Variants in SYCP2L observed in about 807,000 individuals in gnomAD.
The protein encoded by SYCP2L is synaptonemal complex protein 2-like.
A neutral mutation model predicts 125.8 loss-of-function variants in SYCP2L; 98 were observed. That is an observed-to-expected ratio of 0.78 (90% CI 0.66 to 0.92). SYCP2L has a LOEUF of 0.92. SYCP2L is among the 40% of genes least tolerant of loss of function. The probability of loss-of-function intolerance (pLI) is 0.00; values close to 1 mark genes in which losing one functional copy is unlikely to be tolerated. For missense variants in SYCP2L, 842 were observed against 936.4 expected, an observed-to-expected ratio of 0.90 and a Z score of 1.32; for synonymous variants, 317 against 325.4, an observed-to-expected ratio of 0.97 and a Z score of 0.28.
At chr6:10,927,903 G>T (rs1339561346) in intron 17 of SYCP2L, among the ~76,000 whole-genome samples, 1 of 152,124 alleles carries the variant, frequency 6.6e-6, no homozygotes, top group African/African-American at 2.4e-5. Flanking sequence ...CTCTTTCTCA[G>T]GTATGTTCCT....
intron 29 of SYCP2L, among the ~76,000 whole-genome samples, chr6:10,971,457 CAAA>C (rs564161444): frequency 4.0e-5 from 4 of 99,364 alleles, no homozygotes; most frequent in Non-Finnish European, 2.1e-5. Flanking sequence ...GACTCTGTCT[CAAA>C]AAAAAAAAAA....
At chr6:10,906,241 A>C (rs1780486395) in intron 9 of SYCP2L, among the ~76,000 whole-genome samples, 187 bp downstream of exon 9, 1 of 151,882 alleles carries the variant, frequency 6.6e-6, no homozygotes, top group Non-Finnish European at 1.5e-5. Context: ...GTGAGTACTC[A>C]TTTACTCACC....
At chr6:10,889,783 G>T (rs1049365401) in intron 1 of SYCP2L, among the ~76,000 whole-genome samples, 4 of 152,054 alleles carry the variant, frequency 2.6e-5, no homozygotes, top group South Asian at 2.1e-4. Flanking sequence ...ACCCTGCCCG[G>T]ATAATTTTCT....
intron 29 of SYCP2L, among the ~76,000 whole-genome samples, chr6:10,968,494 G>A (rs927752223): frequency 6.6e-6 from 1 of 152,134 alleles, no homozygotes; most frequent in Non-Finnish European, 1.5e-5. Flanking sequence ...CCCTCTGCCT[G>A]GCCAGGAAGT....
At chr6:10,914,172 C>A (rs1780651676) in intron 14 of SYCP2L, among the ~76,000 whole-genome samples, 1 of 152,100 alleles carries the variant, frequency 6.6e-6, no homozygotes, top group Non-Finnish European at 1.5e-5. Context: ...GATTTAAGTC[C>A]TTCATCCGTC....
intron 1 of SYCP2L, among the ~76,000 whole-genome samples, chr6:10,889,666 G>A (rs1300175328): frequency 7.6e-6 from 1 of 130,868 alleles, no homozygotes; most frequent in Non-Finnish European, 1.5e-5. Context: ...TGCTTCCCCA[G>A]CTGGAGTGCA....
intron 1 of SYCP2L, 69 bp from the exon 2 acceptor site, chr6:10,891,444 G>GTTTT: frequency 2.1e-6 from 1 of 468,542 alleles, no homozygotes; most frequent in South Asian, 4.2e-5. Context: ...TTTTTGCTTT[G>GTTTT]TGTTTAAAAC....
At chr6:10,952,014 G>A (rs1424073593) in intron 23 of SYCP2L, among the ~76,000 whole-genome samples, 1 of 152,132 alleles carries the variant, frequency 6.6e-6, no homozygotes, top group Non-Finnish European at 1.5e-5. Flanking sequence ...GTGAGAGCAG[G>A]AGCACACCCC....
intron 25 of SYCP2L, among the ~76,000 whole-genome samples, chr6:10,957,542 T>G (rs1300495442): frequency 6.6e-6 from 1 of 152,150 alleles, no homozygotes; most frequent in Non-Finnish European, 1.5e-5. Context: ...CCGGGCATGG[T>G]GATTCATGCC....
chr6:10,942,639 C>T, intron 22 of SYCP2L, 38 bp from the exon 23 acceptor site: 1 of 1,609,380 alleles, frequency 6.2e-7, no homozygotes, highest in Non-Finnish European at 8.5e-7. Context: ...CTTGCTTTGC[C>T]ATAAAGGACG....
chr6:10,906,035 G>A lies in SYCP2L; in HGVS notation c.657G>A (p.Arg219=), dbSNP rs1019022978. The A allele has an allele frequency of 6.3e-7, 1 of 1,599,820 alleles. No homozygotes were observed. The change falls in exon 9 of 30, where the codon AGG becomes AGA. Residue 219 remains arginine (R), a synonymous_variant. Transcript: ENST00000283141. ...GMCHLMKDLA[R]TLLTVGDYDQ... is the part of the protein sequence containing the mutation. Reference sequence around the variant, plus strand: ...AATGTTTCAGGAAAGACCTTGCAAGGACACTCTTGACTGTGGGTGGTAAGA... The same window carrying A: ...AATGTTTCAGGAAAGACCTTGCAAGAACACTCTTGACTGTGGGTGGTAAGA...
chr6:10,904,533 G>A (rs1354931627), intron 8 of SYCP2L, among the ~76,000 whole-genome samples: 2 of 152,182 alleles, frequency 1.3e-5, no homozygotes, highest in Non-Finnish European at 2.9e-5. Flanking sequence ...ATACGTTAGT[G>A]AAATCACTAC....
At chr6:10,906,128 C>A in intron 9 of SYCP2L, 74 bp downstream of exon 9, 1 of 814,058 alleles carries the variant, frequency 1.2e-6, no homozygotes, top group Non-Finnish European at 2.1e-6. Flanking sequence ...CATCTTGGGA[C>A]TATGGGGAAT....
At chr6:10,904,965 A>G (rs569199916) in intron 8 of SYCP2L, among the ~76,000 whole-genome samples, 10 of 151,850 alleles carry the variant, frequency 6.6e-5, no homozygotes, top group Admixed American at 6.6e-4. Flanking sequence ...AACATGGTGA[A>G]GCCCCGTCTC....
intron 14 of SYCP2L, among the ~76,000 whole-genome samples, chr6:10,919,586 C>T (rs949630713): frequency 6.6e-6 from 1 of 152,188 alleles, no homozygotes. Context: ...CAGAGAGCAT[C>T]AGCTATGGTA....
At chr6:10,961,474 TAAAC>T (rs1355909063) in intron 27 of SYCP2L, 22 bp from the exon 28 acceptor site, 4 of 1,613,866 alleles carry the variant, frequency 2.5e-6, no homozygotes, top group South Asian at 1.1e-5. Context: ...GCTAGCTACT[TAAAC>T]AAAACTTTTG....
At chr6:10,945,067 T>C (rs995267212) in intron 23 of SYCP2L, among the ~76,000 whole-genome samples, 4 of 152,228 alleles carry the variant, frequency 2.6e-5, no homozygotes, top group Non-Finnish European at 5.9e-5. Context: ...GTTAGAAGTA[T>C]ATTTGTTAAT....
In SYCP2L at chr6:10,902,979, T is replaced by G. The variant is rs372176839; in HGVS notation, c.641+16T>G. On this transcript the variant is annotated intron_variant, in intron 8 of 29. Coordinates refer to ENST00000283141, the MANE Select transcript of SYCP2L (RefSeq NM_001040274.3). The stretch of plus-strand genomic sequence containing the variant: ...GTCATCTTATGTAAGTGACTTTGTA[T>G]AAGTTACGTGCTGTAGTAAGGGTAA... 21 of 1,604,304 alleles carry G rather than the reference T, an allele frequency of 1.3e-5. No homozygotes were observed. Among genetic ancestry groups the G allele is most frequent in the Non-Finnish European group, 1.7e-5 (20 of 1,171,224 alleles).
Position 10,928,467 on chromosome 6 carries a change from G to C in SYCP2L, c.1488+17G>C. On this transcript the variant is annotated intron_variant, in intron 18 of 29. Coordinates refer to ENST00000283141, the MANE Select transcript of SYCP2L (RefSeq NM_001040274.3). ...CAACAACCTGTGAGTACAGGGAGTG[G>C]GGCTCAAGTTTCTTATCTGTCTCCA... 1 of 1,572,542 alleles carries C rather than the reference G, an allele frequency of 6.4e-7. No homozygotes were observed. Among genetic ancestry groups the C allele is most frequent in the Non-Finnish European group, 8.6e-7 (1 of 1,161,856 alleles).
Sources: allele counts gnomAD v4.1 joint callset (sites outside exome capture counted in the v4.1 genomes callset), GRCh38; gene constraint gnomAD v4.1.1; transcripts MANE v1.5; gene names NCBI Gene and HGNC (gene_info 2026-07-23, HGNC 2026-07-21).